The following CADM2 variants were observed in gnomAD, a reference collection of about 807,000 sequenced individuals.
The protein encoded by CADM2 is immunoglobulin superfamily member 4D.
CADM2 carries 12 observed loss-of-function variants against 49.8 expected under a neutral mutation model. The observed-to-expected ratio is 0.24, with a 90% CI of 0.15 to 0.39. CADM2 has a LOEUF of 0.39. CADM2 is among the 10% of genes least tolerant of loss of function. The pLI, the probability that CADM2 is intolerant of heterozygous loss-of-function variation, is 1.00. For synonymous variants in CADM2, 214 were observed against 175.4 expected (o/e 1.22, Z -1.74); for missense variants, 378 against 492.3 (o/e 0.77, Z 2.20).
intron 1 of CADM2, among the ~76,000 whole-genome samples, chr3:85,110,671 G>A (rs1463224363): frequency 6.6e-6 from 1 of 151,786 alleles, no homozygotes; most frequent in Non-Finnish European, 1.5e-5. Flanking sequence ...TATTTGTTAA[G>A]CTGGCAAATA....
intron 1 of CADM2, among the ~76,000 whole-genome samples, chr3:85,118,326 T>C (rs1469383637): frequency 1.3e-5 from 2 of 152,180 alleles, no homozygotes; most frequent in African/African-American, 2.4e-5. Context: ...GTATCTTCAA[T>C]CTAACCATGT....
intron 1 of CADM2, among the ~76,000 whole-genome samples, chr3:85,205,549 C>T (rs2041611618): frequency 6.6e-6 from 1 of 151,620 alleles, no homozygotes; most frequent in Non-Finnish European, 1.5e-5. Context: ...AAATAAGAGA[C>T]ACTAAAATCA....
chr3:85,388,877 G>C (rs889956340), intron 1 of CADM2, among the ~76,000 whole-genome samples: 6 of 151,878 alleles, frequency 4.0e-5, no homozygotes, highest in Non-Finnish European at 8.8e-5. Context: ...TGATATCTAA[G>C]ATGTGTTAGA....
chr3:85,716,973 A>G (rs563353125), intron 1 of CADM2, among the ~76,000 whole-genome samples: 6 of 152,168 alleles, frequency 3.9e-5, no homozygotes, highest in Non-Finnish European at 4.4e-5. Flanking sequence ...TGTCTTGGCT[A>G]TATGGGCTCT....
chr3:85,405,682 A>T (rs1178027999), intron 1 of CADM2, among the ~76,000 whole-genome samples: 1 of 152,050 alleles, frequency 6.6e-6, no homozygotes, highest in East Asian at 1.9e-4. Flanking sequence ...CCGAGCAAGG[A>T]TTTCTTAAAA....
intron 1 of CADM2, among the ~76,000 whole-genome samples, chr3:85,655,839 A>AT (rs1188133539): frequency 6.6e-6 from 1 of 152,186 alleles, no homozygotes; most frequent in Non-Finnish European, 1.5e-5. Flanking sequence ...ATAGAATTCA[A>AT]TAGCACATAT....
At chr3:85,758,188 G>A (rs1665103549) in intron 2 of CADM2, among the ~76,000 whole-genome samples, 1 of 152,036 alleles carries the variant, frequency 6.6e-6, no homozygotes, top group Admixed American at 6.6e-5. Flanking sequence ...TAATTTGTTG[G>A]TAGGAGCACA....
intron 1 of CADM2, among the ~76,000 whole-genome samples, chr3:85,320,553 A>G (rs753117089): frequency 6.6e-6 from 1 of 152,100 alleles, no homozygotes; most frequent in Non-Finnish European, 1.5e-5. Flanking sequence ...CAATCTTGAC[A>G]AGGTAGCAGA....
chr3:85,847,253 G>A (rs533466031), intron 3 of CADM2, among the ~76,000 whole-genome samples: 1 of 152,272 alleles, frequency 6.6e-6, no homozygotes, highest in South Asian at 2.1e-4. Flanking sequence ...CACTTAAGTA[G>A]CAAAGTAAAA....
intron 1 of CADM2, among the ~76,000 whole-genome samples, chr3:85,130,528 G>A (rs2039192620): frequency 6.6e-6 from 1 of 152,164 alleles, no homozygotes; most frequent in African/African-American, 2.4e-5. Context: ...TAATATTGAT[G>A]AAGCCAGATA....
At chr3:85,032,909 C>T (rs894019679) in intron 1 of CADM2, among the ~76,000 whole-genome samples, 2 of 152,044 alleles carry the variant, frequency 1.3e-5, no homozygotes, top group Non-Finnish European at 2.9e-5. Context: ...GAGAAAATAA[C>T]ATTTCTTTTT....
intron 1 of CADM2, among the ~76,000 whole-genome samples, chr3:85,149,448 C>T (rs547331793): frequency 1.3e-5 from 2 of 152,212 alleles, no homozygotes; most frequent in East Asian, 1.9e-4. Flanking sequence ...TAAATTGAGC[C>T]GGGCACGGTT....
At chr3:85,094,523 A>T (rs754623953) in intron 1 of CADM2, among the ~76,000 whole-genome samples, 5 of 152,174 alleles carry the variant, frequency 3.3e-5, no homozygotes, top group Non-Finnish European at 7.4e-5. Flanking sequence ...GGAAATGTAA[A>T]ATAAAAATGA....
intron 1 of CADM2, among the ~76,000 whole-genome samples, chr3:85,128,406 A>G (rs2107604893): frequency 6.6e-6 from 1 of 152,312 alleles, no homozygotes; most frequent in South Asian, 2.1e-4. Flanking sequence ...TTTTGTTTGA[A>G]AATGTATACA....
chr3:85,560,456 C>T (rs2062064453), intron 1 of CADM2, among the ~76,000 whole-genome samples: 1 of 152,190 alleles, frequency 6.6e-6, no homozygotes, highest in African/African-American at 2.4e-5. Context: ...CAGATTCAGG[C>T]GCTTGGCTTA....
At chr3:85,873,026 A>G (rs1411425656) in intron 3 of CADM2, among the ~76,000 whole-genome samples, 2 of 152,192 alleles carry the variant, frequency 1.3e-5, no homozygotes, top group African/African-American at 4.8e-5. Context: ...GTGTAAGAAC[A>G]TGGTGCTGGC....
intron 1 of CADM2, among the ~76,000 whole-genome samples, chr3:85,563,288 T>G: frequency 6.6e-6 from 1 of 151,692 alleles, no homozygotes. Context: ...ATTGAATGAG[T>G]GGATTGAAGG....
intron 1 of CADM2, among the ~76,000 whole-genome samples, chr3:85,617,545 T>A (rs1559945733): frequency 2.6e-5 from 4 of 152,118 alleles, no homozygotes; most frequent in Admixed American, 2.6e-4. Context: ...CCTTTTGGAT[T>A]TTTATGGAAG....
intron 1 of CADM2, among the ~76,000 whole-genome samples, chr3:85,039,575 T>G (rs934204083): frequency 2.0e-5 from 3 of 152,292 alleles, no homozygotes; most frequent in African/African-American, 4.8e-5. Context: ...ACATACAACA[T>G]ACAAACATTA....
Sources: gnomAD v4.1 joint callset for allele counts (sites outside exome capture counted in the v4.1 genomes callset) on GRCh38, gnomAD v4.1.1 for gene constraint, MANE v1.5 for transcripts, NCBI Gene and HGNC (gene_info 2026-07-23, HGNC 2026-07-21) for gene names.